CLXN: variants seen among roughly 807,000 people sequenced by gnomAD.
CLXN encodes the protein calaxin.
the CLXN span, among the ~76,000 whole-genome samples, chr8:48,714,415 C>A: frequency 3.9e-5 from 6 of 152,162 alleles, no homozygotes; most frequent in African/African-American, 1.4e-4. Context: ...GGCTCTTGAA[C>A]AGAGCTTATG....
chr8:48,731,396 T>C, the CLXN span: 1 of 1,613,518 alleles, frequency 6.2e-7, no homozygotes, highest in Non-Finnish European at 8.5e-7. Flanking sequence ...ACATGCAGGA[T>C]GTTTCGAAAT....
chr8:48,722,489 T>C, the CLXN span, among the ~76,000 whole-genome samples: 2 of 152,202 alleles, frequency 1.3e-5, no homozygotes, highest in Non-Finnish European at 2.9e-5. Flanking sequence ...TATGTTTATT[T>C]CAGTGTAGTC....
the CLXN span, chr8:48,723,721 G>GTC: frequency 1.3e-5 from 2 of 152,292 alleles, no homozygotes; most frequent in Admixed American, 1.3e-4. Context: ...CTGTCTTCAG[G>GTC]AGGTCACAGC....
At chr8:48,720,235 G>T in the CLXN span, among the ~76,000 whole-genome samples, 1 of 152,166 alleles carries the variant, frequency 6.6e-6, no homozygotes, top group Admixed American at 6.5e-5. Flanking sequence ...GCGATTTTTA[G>T]GGAACAAGGG....
the CLXN span, chr8:48,730,772 T>C: frequency 2.1e-6 from 1 of 484,988 alleles, no homozygotes; most frequent in Non-Finnish European, 3.6e-6. Flanking sequence ...TATTCTCATT[T>C]GACGAAAGAG....
the CLXN span, chr8:48,714,066 C>T: frequency 6.6e-6 from 1 of 152,174 alleles, no homozygotes; most frequent in Non-Finnish European, 1.5e-5. Flanking sequence ...AACTGCTCAT[C>T]CACAGTCCTA....
At chr8:48,724,803 T>C in the CLXN span, 12 of 1,609,740 alleles carry the variant, frequency 7.5e-6, no homozygotes, top group Non-Finnish European at 8.5e-6. Context: ...CATCTGGCTC[T>C]GTAAAAAAAG....
the CLXN span, among the ~76,000 whole-genome samples, chr8:48,731,108 G>A: frequency 6.6e-6 from 1 of 151,996 alleles, no homozygotes; most frequent in Non-Finnish European, 1.5e-5. Flanking sequence ...AAATGTTTTA[G>A]GTTTTCTGAT....
the CLXN span, chr8:48,713,806 A>C: frequency 6.6e-6 from 1 of 152,212 alleles, no homozygotes; most frequent in Non-Finnish European, 1.5e-5. Context: ...TCTTGTACAC[A>C]GAGATATTTG....
the CLXN span, among the ~76,000 whole-genome samples, chr8:48,726,739 C>T: frequency 4.2e-5 from 6 of 144,452 alleles, no homozygotes; most frequent in South Asian, 2.4e-4. Flanking sequence ...CATCTACTCA[C>T]CTCACCCATC....
chr8:48,727,309 C>T, the CLXN span, among the ~76,000 whole-genome samples: 1 of 152,138 alleles, frequency 6.6e-6, no homozygotes. Flanking sequence ...TGGGGAAACA[C>T]AGTGAAACAA....
the CLXN span, among the ~76,000 whole-genome samples, chr8:48,731,660 T>C: frequency 6.6e-6 from 1 of 151,758 alleles, no homozygotes; most frequent in African/African-American, 2.4e-5. Flanking sequence ...AACCCTTAAC[T>C]TAATAGAAAT....
chr8:48,727,276 C>T, the CLXN span, among the ~76,000 whole-genome samples: 1 of 151,452 alleles, frequency 6.6e-6, no homozygotes, highest in African/African-American at 2.4e-5. Flanking sequence ...ACTAGACACA[C>T]ACCATGTGCT....
the CLXN span, among the ~76,000 whole-genome samples, chr8:48,712,620 A>T: frequency 6.6e-6 from 1 of 152,358 alleles, no homozygotes; most frequent in Non-Finnish European, 1.5e-5. Context: ...AGTGATGCCG[A>T]TAAAGGCACT....
At chr8:48,713,503 A>C in the CLXN span, 1 of 152,328 alleles carries the variant, frequency 6.6e-6, no homozygotes, top group Middle Eastern at 3.4e-3. Flanking sequence ...GGTTGTCTTC[A>C]TAGTTTCAAA....
chr8:48,733,749 T>C, the CLXN span, among the ~76,000 whole-genome samples: 3 of 152,190 alleles, frequency 2.0e-5, no homozygotes, highest in African/African-American at 7.2e-5. Flanking sequence ...TTTAAAAATA[T>C]ACACTCACCT....
At chr8:48,712,956 T>C in the CLXN span, among the ~76,000 whole-genome samples, 1 of 136,616 alleles carries the variant, frequency 7.3e-6, no homozygotes. Flanking sequence ...GCCAAGACCG[T>C]GCCAGCTTGG....
the CLXN span, among the ~76,000 whole-genome samples, chr8:48,721,320 A>G: frequency 6.6e-6 from 1 of 152,196 alleles, no homozygotes; most frequent in African/African-American, 2.4e-5. Flanking sequence ...ATACAGACCA[A>G]TAAAAGGGCA....
At chr8:48,721,210 T>C in the CLXN span, among the ~76,000 whole-genome samples, 1 of 151,868 alleles carries the variant, frequency 6.6e-6, no homozygotes, top group East Asian at 1.9e-4. Flanking sequence ...TCATTCCTAA[T>C]AGCAGCAAAA....
Sources: allele counts gnomAD v4.1 joint callset (sites outside exome capture counted in the v4.1 genomes callset), GRCh38; gene constraint gnomAD v4.1.1; transcripts MANE v1.5; gene names NCBI Gene and HGNC (gene_info 2026-07-23, HGNC 2026-07-21).